SH2D4B: variants seen among roughly 807,000 people sequenced by gnomAD.
SH2D4B encodes the protein SH2 domain-containing protein 4B.
SH2D4B carries 45 observed loss-of-function variants against 61.5 expected under a neutral mutation model. The ratio of observed to expected loss-of-function variants is 0.73; its 90% CI spans 0.58 to 0.94. SH2D4B has a LOEUF of 0.94. Among genes scored for constraint, SH2D4B ranks in the 40% least tolerant of loss-of-function variants. SH2D4B has a pLI of 0.00. For missense variants in SH2D4B, 572 were observed against 574.2 expected (o/e 1.00, Z 0.04); for synonymous variants, 224 against 220.4 (o/e 1.02, Z -0.14).
intron 1 of SH2D4B, among the ~76,000 whole-genome samples, chr10:80,544,658 G>C (rs1184830094): frequency 6.6e-6 from 1 of 152,248 alleles, no homozygotes; most frequent in Non-Finnish European, 1.5e-5. Flanking sequence ...ACCCCTGCAT[G>C]GAGCCCTGCA....
intron 1 of SH2D4B, among the ~76,000 whole-genome samples, chr10:80,562,596 T>G (rs1841913992): frequency 6.6e-6 from 1 of 152,238 alleles, no homozygotes; most frequent in South Asian, 2.1e-4. Flanking sequence ...GGAGTTCAGA[T>G]AACTCTTCAG....
intron 1 of SH2D4B, among the ~76,000 whole-genome samples, chr10:80,547,673 C>T (rs1045423734): frequency 1.3e-5 from 2 of 152,164 alleles, no homozygotes; most frequent in African/African-American, 4.8e-5. Context: ...AAAACACTTC[C>T]TGTCACCATG....
At chr10:80,564,275 G>C (rs7095190) in intron 1 of SH2D4B, among the ~76,000 whole-genome samples, 51,117 of 152,036 alleles carry the variant, frequency 0.34, 9,494 homozygotes, top group African/African-American at 0.5. Flanking sequence ...ATGTTTTCAA[G>C]TTTCCAAGTC....
Position 80,643,974 on chromosome 10 carries a change from C to G in SH2D4B, c.1210-19C>G. On this transcript the variant is annotated intron_variant, in intron 7 of 7. Transcript: ENST00000646907. ...CCTGTCTTGATTATAAGTGGATTTT[C>G]CTTTTTTTTCTGTTTTAGGAGGAAA... The G allele has an allele frequency of 6.2e-7, 1 of 1,605,054 alleles. No individual in the cohort carries two copies. Among genetic ancestry groups the G allele is most frequent in the South Asian group, 1.1e-5 (1 of 90,660 alleles).
rs909521905 is a variant in SH2D4B, at chr10:80,603,753, T to C, written c.818T>C (p.Leu273Pro). ...HEQEARLYHH[L>P]PDPGLPQPLA... The stretch of plus-strand genomic sequence containing the variant: ...CAGGAGGCAAGACTCTACCACCACC[T>C]CCCCGACCCGGGTCTGCCGCAGCCC... The change falls in exon 5 of 8, where the codon CTC becomes CCC. Residue 273 changes from leucine (L) to proline (P), a missense_variant. Coordinates refer to ENST00000646907, the MANE Select transcript of SH2D4B (RefSeq NM_001388272.1). 4 of 1,610,712 alleles carry C rather than the reference T, an allele frequency of 2.5e-6. No homozygotes were observed. The highest frequency in any genetic ancestry group is 2.5e-6 in the Non-Finnish European group (3 of 1,179,256).
At chr10:80,639,902 G>T (rs987013834) in intron 7 of SH2D4B, among the ~76,000 whole-genome samples, 2 of 152,138 alleles carry the variant, frequency 1.3e-5, no homozygotes, top group Non-Finnish European at 2.9e-5. Context: ...TTATAATTAG[G>T]GATGTTTTTG....
At chr10:80,571,689 T>G in intron 3 of SH2D4B, 111 bp downstream of exon 3, 1 of 1,216,626 alleles carries the variant, frequency 8.2e-7, no homozygotes, top group African/African-American at 1.5e-5. Flanking sequence ...TACTGGGTGC[T>G]TTATGAGAAT....
intron 3 of SH2D4B, among the ~76,000 whole-genome samples, chr10:80,572,984 A>ATTTTTTTT (rs1283153702): frequency 1.8e-3 from 15 of 8,294 alleles, no homozygotes; most frequent in Non-Finnish European, 2.5e-3. Context: ...ATATATATAT[A>ATTTTTTTT]TATTTTTTTT....
intron 1 of SH2D4B, among the ~76,000 whole-genome samples, chr10:80,549,736 T>A (rs938626616): frequency 1.3e-5 from 2 of 152,158 alleles, no homozygotes; most frequent in Non-Finnish European, 2.9e-5. Context: ...CAGCTCCACT[T>A]GCAAAGGCCA....
At chr10:80,586,480 C>T (rs962159335) in intron 3 of SH2D4B, among the ~76,000 whole-genome samples, 15 of 152,160 alleles carry the variant, frequency 9.9e-5, no homozygotes, top group East Asian at 1.9e-4. Flanking sequence ...ATGCACCAAT[C>T]GACACTGTAT....
intron 4 of SH2D4B, among the ~76,000 whole-genome samples, chr10:80,600,553 G>GTC (rs10677995): frequency 3.3e-5 from 5 of 150,906 alleles, no homozygotes; most frequent in Non-Finnish European, 7.4e-5. Context: ...GTGTGTGTGT[G>GTC]CTGGGGAAGG....
At chr10:80,559,794 C>T (rs7904697) in intron 1 of SH2D4B, among the ~76,000 whole-genome samples, 49,185 of 151,036 alleles carry the variant, frequency 0.33, 9,412 homozygotes, top group African/African-American at 0.53. Flanking sequence ...TGCACCACCA[C>T]GTCTGGCTAA....
intron 1 of SH2D4B, among the ~76,000 whole-genome samples, chr10:80,557,111 G>A (rs946590392): frequency 1.3e-5 from 2 of 152,008 alleles, no homozygotes; most frequent in Non-Finnish European, 2.9e-5. Context: ...AATGGATATT[G>A]AATTTGTCAA....
At chr10:80,588,873 T>A (rs1842292460) in intron 4 of SH2D4B, 96 bp downstream of exon 4, 1 of 1,457,158 alleles carries the variant, frequency 6.9e-7, no homozygotes, top group African/African-American at 1.4e-5. Context: ...TTCCATTCGC[T>A]CACTCACCCC....
intron 1 of SH2D4B, among the ~76,000 whole-genome samples, chr10:80,555,502 G>A (rs1217601469): frequency 6.6e-6 from 1 of 152,072 alleles, no homozygotes; most frequent in African/African-American, 2.4e-5. Flanking sequence ...ATCCATTATT[G>A]TCTTTAAACT....
chr10:80,542,901 T>C (rs1841601414), intron 1 of SH2D4B, among the ~76,000 whole-genome samples: 1 of 152,170 alleles, frequency 6.6e-6, no homozygotes, highest in East Asian at 1.9e-4. Flanking sequence ...AGCCTTCCTA[T>C]GCCTGCTCAC....
At chr10:80,567,330 G>A (rs924014205) in intron 1 of SH2D4B, among the ~76,000 whole-genome samples, 1 of 152,212 alleles carries the variant, frequency 6.6e-6, no homozygotes, top group African/African-American at 2.4e-5. Context: ...AAGAGACATA[G>A]GGTGGTGGAC....
intron 1 of SH2D4B, among the ~76,000 whole-genome samples, chr10:80,556,216 G>C (rs925595510): frequency 1.3e-5 from 2 of 151,766 alleles, no homozygotes; most frequent in African/African-American, 2.4e-5. Context: ...CATTATCTTG[G>C]CACTGTTGAA....
chr10:80,603,867 C>T (rs1020239303), intron 5 of SH2D4B, 72 bp downstream of exon 5: 42 of 1,355,636 alleles, frequency 3.1e-5, no homozygotes, highest in Middle Eastern at 5.1e-4. Flanking sequence ...CCGGGGTCCC[C>T]GTCCCGGGTC....
Sources: gnomAD v4.1 joint callset for allele counts (sites outside exome capture counted in the v4.1 genomes callset) on GRCh38, gnomAD v4.1.1 for gene constraint, MANE v1.5 for transcripts, NCBI Gene and HGNC (gene_info 2026-07-23, HGNC 2026-07-21) for gene names.